ATP10B: variants seen among roughly 807,000 people sequenced by gnomAD.
The protein encoded by ATP10B is phospholipid-transporting ATPase VB.
In ATP10B, 122 loss-of-function variants were observed where a neutral mutation model predicts 141.2. That is an observed-to-expected ratio of 0.86 (90% CI 0.75 to 1.00). The LOEUF (loss-of-function observed/expected upper bound fraction) is 1.00, where lower values mean the gene tolerates loss of function less well. Ranked by LOEUF, ATP10B falls within the 50% of genes least tolerant of loss-of-function variation. ATP10B has a pLI of 0.00. For missense variants in ATP10B, 1,876 were observed against 1,825.3 expected, an observed-to-expected ratio of 1.03 and a Z score of -0.51; for synonymous variants, 685 against 692.0, an observed-to-expected ratio of 0.99 and a Z score of 0.16.
intron 3 of ATP10B, among the ~76,000 whole-genome samples, chr5:160,711,767 A>G (rs930378042): frequency 1.7e-5 from 1 of 60,358 alleles, no homozygotes; most frequent in Non-Finnish European, 3.4e-5. Flanking sequence ...GATAGCTCTT[A>G]TTATTTTGAA....
intron 22 of ATP10B, among the ~76,000 whole-genome samples, chr5:160,595,246 A>T (rs1194076300): frequency 6.6e-6 from 1 of 152,146 alleles, no homozygotes; most frequent in Non-Finnish European, 1.5e-5. Context: ...CTCACTCAAA[A>T]CCACTCAACT....
chr5:160,879,694 C>T, the ATP10B span, among the ~76,000 whole-genome samples: 5,773 of 151,938 alleles, frequency 0.038, 126 homozygotes, highest in South Asian at 0.089. Flanking sequence ...AAAAATTAGC[C>T]GGGCGTGGTA....
chr5:160,823,016 A>ATATATG (rs1774280269), intron 1 of ATP10B, among the ~76,000 whole-genome samples: 2 of 118,596 alleles, frequency 1.7e-5, no homozygotes, highest in Non-Finnish European at 3.6e-5. Context: ...ATATATATAT[A>ATATATG]TATATATATA....
At chr5:160,897,041 C>T in the ATP10B span, among the ~76,000 whole-genome samples, 1 of 152,130 alleles carries the variant, frequency 6.6e-6, no homozygotes, top group Non-Finnish European at 1.5e-5. Flanking sequence ...TGGAATGTAT[C>T]TCAAAATAAT....
chr5:160,571,182 A>G (rs1754854335), intron 24 of ATP10B, among the ~76,000 whole-genome samples: 1 of 151,824 alleles, frequency 6.6e-6, no homozygotes, highest in Admixed American at 6.6e-5. Flanking sequence ...TCTTTCTGAG[A>G]CTCTGATTAA....
intron 22 of ATP10B, among the ~76,000 whole-genome samples, chr5:160,596,923 G>C (rs551342046): frequency 6.6e-6 from 1 of 152,328 alleles, no homozygotes; most frequent in South Asian, 2.1e-4. Context: ...AACATTCCAT[G>C]CTCATGGGTA....
chr5:160,886,957 G>T, the ATP10B span, among the ~76,000 whole-genome samples: 2,463 of 152,302 alleles, frequency 0.016, 27 homozygotes, highest in Non-Finnish European at 0.026. Flanking sequence ...AGCAGGAAAT[G>T]TATTCCTGGG....
Position 160,565,823 on chromosome 5 carries a change from G to T in ATP10B, c.4016C>A (p.Pro1339Gln). Residue 1339 changes from proline (P) to glutamine (Q), a missense_variant, in exon 26 of 26, where the codon CCA becomes CAA. By Grantham distance (76) the Pro-to-Gln change is moderately conservative (BLOSUM62 -1). Coordinates refer to ENST00000327245, the MANE Select transcript of ATP10B (RefSeq NM_025153.3). ...SKAQKIDKLPPDKRNLEIQSW... is the reference protein window; with the variant it reads ...SKAQKIDKLPQDKRNLEIQSW... ...CTGGATTTCCAGGTTTCTTTTGTCT[G>T]GGGGGAGTTTGTCAATTTTCTGAGC... is the stretch of plus-strand genomic sequence containing the variant. 1.2e-6 allele frequency: 2 copies of T among 1,613,960 alleles called. No homozygotes were observed. Among genetic ancestry groups the T allele is most frequent in the Non-Finnish European group, 1.7e-6 (2 of 1,179,940 alleles).
At chr5:160,728,208 CTCT>C (rs1396224611) in intron 2 of ATP10B, among the ~76,000 whole-genome samples, 6 of 152,070 alleles carry the variant, frequency 3.9e-5, no homozygotes, top group African/African-American at 1.2e-4. Flanking sequence ...TGCCTACCGT[CTCT>C]TCTTCTTGGA....
At chr5:160,820,961 C>A (rs1774057422) in intron 1 of ATP10B, among the ~76,000 whole-genome samples, 1 of 152,086 alleles carries the variant, frequency 6.6e-6, no homozygotes, top group Non-Finnish European at 1.5e-5. Flanking sequence ...AACTGAAAGT[C>A]TTCACTCTAA....
intron 7 of ATP10B, among the ~76,000 whole-genome samples, chr5:160,667,196 C>A (rs1006180705): frequency 2.0e-5 from 3 of 151,902 alleles, no homozygotes; most frequent in Admixed American, 1.3e-4. Flanking sequence ...CCAGCTTGGG[C>A]GACAGAGCAA....
chr5:160,599,041 C>A, intron 21 of ATP10B, 71 bp from the exon 22 acceptor site: 1 of 1,446,410 alleles, frequency 6.9e-7, no homozygotes. Flanking sequence ...TGCTTGGGAC[C>A]TCTGGGAGCT....
At chr5:160,812,213 T>C (rs1581579138) in intron 1 of ATP10B, among the ~76,000 whole-genome samples, 1 of 152,334 alleles carries the variant, frequency 6.6e-6, no homozygotes, top group East Asian at 1.9e-4. Flanking sequence ...TATTGGGCTT[T>C]GGATGACCCT....
chr5:160,706,728 T>C (rs1442138661), intron 3 of ATP10B, among the ~76,000 whole-genome samples: 1 of 152,194 alleles, frequency 6.6e-6, no homozygotes, highest in Non-Finnish European at 1.5e-5. Flanking sequence ...CAAGATACAT[T>C]GGTCAAAAAC....
At chr5:160,653,250 G>A (rs183103504) in intron 7 of ATP10B, among the ~76,000 whole-genome samples, 13 of 120,978 alleles carry the variant, frequency 1.1e-4, no homozygotes, top group African/African-American at 1.1e-4. Context: ...ATATACATAC[G>A]TAGTATATAT....
At chr5:160,734,056 C>G (rs1165689518) in intron 2 of ATP10B, among the ~76,000 whole-genome samples, 1 of 135,970 alleles carries the variant, frequency 7.4e-6, no homozygotes, top group Non-Finnish European at 1.5e-5. Flanking sequence ...TGCAGTGAGC[C>G]GATATCATGT....
chr5:160,670,553 G>T lies in ATP10B; in HGVS notation c.585C>A (p.Asp195Glu). Residue 195 changes from aspartate to glutamate, a missense_variant, in exon 7 of 26, where the codon GAC (aspartate) becomes GAA (glutamate). Asp to Glu is a conservative substitution (Grantham distance 45, BLOSUM62 2). Transcript: ENST00000327245. ...TTTCCAGATGGCATATCCCATTGGG[G>T]TCAGAGGAAAAAAGGAGGAGTATGT... is the stretch of plus-strand genomic sequence containing the variant. Reference protein sequence around the residue: ...PADILLLFSSDPNGICHLETA... With the variant: ...PADILLLFSSEPNGICHLETA... 6.2e-7 allele frequency: 1 copy of T among 1,613,946 alleles called. No homozygotes were observed. The highest frequency in any genetic ancestry group is 8.5e-7 in the Non-Finnish European group (1 of 1,179,942).
At chr5:160,720,480 G>A (rs1206879454) in intron 2 of ATP10B, among the ~76,000 whole-genome samples, 3 of 152,210 alleles carry the variant, frequency 2.0e-5, no homozygotes, top group Non-Finnish European at 4.4e-5. Context: ...CCTCTGGACT[G>A]AATTAAAATT....
intron 2 of ATP10B, among the ~76,000 whole-genome samples, chr5:160,759,260 T>C (rs903151604): frequency 6.6e-6 from 1 of 152,224 alleles, no homozygotes; most frequent in African/African-American, 2.4e-5. Flanking sequence ...AGAAAAGTCC[T>C]GGCTGGTATC....
Sources: gnomAD v4.1 joint callset for allele counts (sites outside exome capture counted in the v4.1 genomes callset) on GRCh38, gnomAD v4.1.1 for gene constraint, MANE v1.5 for transcripts, NCBI Gene and HGNC (gene_info 2026-07-23, HGNC 2026-07-21) for gene names.